The following THOP1 variants were observed in gnomAD, a reference collection of about 807,000 sequenced individuals.
THOP1 encodes thimet oligopeptidase 1.
In THOP1, 49 loss-of-function variants were observed where a neutral mutation model predicts 71.8. The observed-to-expected ratio is 0.68, with a 90% CI of 0.54 to 0.87. THOP1 has a LOEUF of 0.87. Among genes scored for constraint, THOP1 ranks in the 40% least tolerant of loss-of-function variants. The pLI, the probability that THOP1 is intolerant of heterozygous loss-of-function variation, is 0.00. For synonymous variants in THOP1, 426 were observed against 421.5 expected (o/e 1.01, Z -0.13); for missense variants, 843 against 975.6 (o/e 0.86, Z 1.81).
At position 2,790,612 on chromosome 19, in the gene THOP1, G is replaced by A. The variant is rs149372415; in HGVS notation, c.208G>A (p.Asp70Asn). The A allele has an allele frequency of 3.7e-5, 58 of 1,573,190 alleles. No homozygotes were observed. Among genetic ancestry groups the A allele is most frequent in the East Asian group, 1.1e-4 (5 of 44,304 alleles). ...CGAGAGCACGCTCAAGGCGCTGGCC[G>A]ATGTGGAGGTCACCTACACAGGTAA... ...SYESTLKALA[D>N]VEVTYTVQRN... is the part of the protein sequence containing the mutation. Residue 70 changes from aspartate (D) to asparagine (N), a missense_variant, in exon 2 of 13, where the codon GAT becomes AAT. Transcript: ENST00000307741.
At position 2,801,483 on chromosome 19, in the gene THOP1, G is replaced by A. The variant is rs537655845; in HGVS notation, c.589+1692G>A. ...ATGTGGCCAGGTGACACCGTCATGC[G>A]GGTGGCTAGCGTGTTGGGTGACAGT... On this transcript the variant is annotated intron_variant, in intron 5 of 12. Transcript: ENST00000307741. The surrounding 1 kb of genome is among the most constrained non-coding windows in gnomAD (Gnocchi z 5.1). 1.3e-5 allele frequency among the ~76,000 whole-genome samples: 2 copies of A among 152,278 alleles called. No homozygotes were observed. The highest frequency in any genetic ancestry group is 4.8e-5 in the African/African-American group (2 of 41,552).
intron 12 of THOP1, among the ~76,000 whole-genome samples, chr19:2,812,698 G>A (rs1001525156): frequency 2.0e-5 from 3 of 152,184 alleles, no homozygotes; most frequent in Admixed American, 6.5e-5. Flanking sequence ...CCGGCGCCTC[G>A]CAGTCTCATC....
intron 4 of THOP1, among the ~76,000 whole-genome samples, chr19:2,798,799 G>T (rs1411350606): frequency 1.3e-5 from 2 of 152,264 alleles, no homozygotes; most frequent in Non-Finnish European, 2.9e-5. Context: ...CTGGGCTCCA[G>T]ACCCGCCTGG....
intron 8 of THOP1, 145 bp downstream of exon 8, chr19:2,807,953 C>A: frequency 9.8e-7 from 1 of 1,025,540 alleles, no homozygotes; most frequent in Non-Finnish European, 1.4e-6. Flanking sequence ...CCCGTGGGCA[C>A]ACCACAGGGG....
rs1300135900 is a variant in THOP1, at chr19:2,785,594, G to C, written c.-69G>C. 1 of 1,479,472 alleles carries C rather than the reference G, an allele frequency of 6.8e-7. No homozygotes were observed. Among genetic ancestry groups the C allele is most frequent in the Non-Finnish European group, 9.0e-7 (1 of 1,114,704 alleles). 91.6% of individuals were successfully genotyped at this position (1,479,472 alleles called of 1,614,324 possible). On this transcript the variant is annotated 5_prime_UTR_variant, in exon 1 of 13. Coordinates refer to ENST00000307741, the MANE Select transcript of THOP1 (RefSeq NM_003249.5). The stretch of plus-strand genomic sequence containing the variant: ...GGTTGGGCCGAGGCAGGCGGCCTCA[G>C]TGGCCGAGGTGGCTGGACGCGTAGC...
intron 4 of THOP1, among the ~76,000 whole-genome samples, chr19:2,797,170 C>T (rs1916036390): frequency 6.6e-6 from 1 of 152,182 alleles, no homozygotes; most frequent in African/African-American, 2.4e-5. Context: ...GCCGGCTGGA[C>T]CATCTCAGCC....
intron 5 of THOP1, among the ~76,000 whole-genome samples, chr19:2,802,308 G>A (rs1234157877): frequency 4.9e-5 from 3 of 61,338 alleles, no homozygotes; most frequent in Non-Finnish European, 3.1e-5. Context: ...AACACCTCCC[G>A]ACACCCCCAC....
In THOP1 at chr19:2,805,023, C is replaced by A; in HGVS notation, c.597C>A (p.Leu199=). Residue 199 remains leucine, a synonymous_variant, in exon 6 of 13, where the codon CTC becomes CTA. Coordinates refer to ENST00000307741, the MANE Select transcript of THOP1 (RefSeq NM_003249.5). This position sits in a 1 kb window ranked among gnomAD's most constrained non-coding sequence, Gnocchi z 6.6. ...CTGGTTCTGTCCCCATAGGAGGGCT[C>A]CCCGAGGACTTTCTGAACTCCCTGG... The part of the protein sequence containing the change: ...LPFTLQELGG[L]PEDFLNSLEK... 7 of 1,611,770 alleles carry A rather than the reference C, an allele frequency of 4.3e-6. No homozygotes were observed. Among genetic ancestry groups the A allele is most frequent in the Non-Finnish European group, 5.1e-6 (6 of 1,179,284 alleles).
intron 3 of THOP1, 113 bp from the exon 4 acceptor site, chr19:2,795,968 A>G: frequency 1.4e-6 from 1 of 710,896 alleles, no homozygotes; most frequent in Non-Finnish European, 2.5e-6. Context: ...CCAGGAGTGC[A>G]GTTGCCAAGT....
chr19:2,790,718 C>T (rs555408103), intron 2 of THOP1, 85 bp downstream of exon 2: 38 of 1,289,812 alleles, frequency 2.9e-5, no homozygotes, highest in African/African-American at 1.1e-4. Context: ...CCCGTGGAGC[C>T]GGTTCAGAAC....
At chr19:2,811,494 C>T in intron 11 of THOP1, 104 bp from the exon 12 acceptor site, 1 of 1,460,226 alleles carries the variant, frequency 6.8e-7, no homozygotes, top group South Asian at 1.4e-5. Context: ...CCAGCTTCTC[C>T]CTGTTCCGGG....
rs1916269865 is a variant in THOP1, at chr19:2,805,616, G to A, written c.750+440G>A. Among the ~76,000 whole-genome samples, 1 of 152,160 alleles carries A rather than the reference G, an allele frequency of 6.6e-6. No homozygotes were observed. Among genetic ancestry groups the A allele is most frequent in the African/African-American group, 2.4e-5 (1 of 41,412 alleles). The stretch of plus-strand genomic sequence containing the variant: ...CTGGCGTCAGACGGCCGTTCCCACA[G>A]GGACACATGTAACTGTCCACGGCGC... On this transcript the variant is annotated intron_variant, in intron 6 of 12. Transcript: ENST00000307741. The surrounding 1 kb of genome is among the most constrained non-coding windows in gnomAD (Gnocchi z 6.6).
chr19:2,789,031 G>A (rs1003484802), intron 1 of THOP1, among the ~76,000 whole-genome samples: 1 of 152,218 alleles, frequency 6.6e-6, no homozygotes, highest in Non-Finnish European at 1.5e-5. Flanking sequence ...AAAGTGCTGG[G>A]ATTACAGGCG....
chr19:2,794,695 C>G, intron 2 of THOP1, 69 bp from the exon 3 acceptor site: 1 of 1,547,434 alleles, frequency 6.5e-7, no homozygotes, highest in Non-Finnish European at 8.8e-7. Flanking sequence ...GGAGAGGGGT[C>G]CGGGCAACAC....
Position 2,785,676 on chromosome 19 carries a change from C to T in THOP1, c.14C>T (p.Ala5Val). 1.3e-6 allele frequency: 2 copies of T among 1,490,694 alleles called. No homozygotes were observed. The highest frequency in any genetic ancestry group is 1.8e-6 in the Non-Finnish European group (2 of 1,117,862). The allele number at this position is 1,490,694 out of a possible 1,614,324, so 92.3% of individuals were successfully genotyped here. ...GACCCACCCGCCATGAAGCCCCCCG[C>T]AGGTACCGACTACCCCGCTCGCCGG... MKPP[A>V]ACAGDMADAA... Residue 5 changes from alanine (A) to valine (V), a missense_variant and splice_region_variant, in exon 1 of 13, where the codon GCA (alanine) becomes GTA (valine). Coordinates refer to ENST00000307741, the MANE Select transcript of THOP1 (RefSeq NM_003249.5).
At chr19:2,809,814 C>G (rs1427149168) in intron 9 of THOP1, 3 of 158,350 alleles carry the variant, frequency 1.9e-5, no homozygotes, top group African/African-American at 7.2e-5. Flanking sequence ...ACAGAAAAGC[C>G]TCGGTGTTGC....
At chr19:2,813,029 C>CG (rs1402118841) in intron 12 of THOP1, 86 bp from the exon 13 acceptor site, 2 of 1,455,516 alleles carry the variant, frequency 1.4e-6, no homozygotes, top group Admixed American at 5.1e-5. Context: ...CCGAGGCCCC[C>CG]CTGGGCGAGG....
intron 1 of THOP1, 131 bp downstream of exon 1, chr19:2,785,809 G>GGGAGGTGGACGAC (rs1915727571): frequency 3.5e-6 from 3 of 852,218 alleles, no homozygotes; most frequent in Non-Finnish European, 4.8e-6. Flanking sequence ...GGGGCAGCGG[G>GGGAGGTGGACGAC]GGAGGTGGAC....
intron 2 of THOP1, 32 bp downstream of exon 2, chr19:2,790,665 G>A (rs984568363): frequency 9.4e-6 from 14 of 1,489,252 alleles, no homozygotes; most frequent in African/African-American, 2.8e-5. Context: ...TGCGTGGGCC[G>A]CAGGTGCCGA....
Sources: allele counts gnomAD v4.1 joint callset (sites outside exome capture counted in the v4.1 genomes callset), GRCh38; gene constraint gnomAD v4.1.1; non-coding constraint Gnocchi (gnomAD v3.1); transcripts MANE v1.5; gene names NCBI Gene and HGNC (gene_info 2026-07-23, HGNC 2026-07-21).